The following ROR1 variants were observed in gnomAD, a reference collection of about 807,000 sequenced individuals.
The protein encoded by ROR1 is ROR family WNT receptor 1.
Under a neutral mutation model 78.8 loss-of-function variants are expected in ROR1, and 19 were observed. That is an observed-to-expected ratio of 0.24 (90% CI 0.17 to 0.35). The LOEUF (loss-of-function observed/expected upper bound fraction) is 0.35. Ranked by LOEUF, ROR1 falls within the 10% of genes least tolerant of loss-of-function variation. The pLI is 1.00. For synonymous variants in ROR1, 386 were observed against 433.6 expected (o/e 0.89, Z 1.36); for missense variants, 917 against 1,177.8 (o/e 0.78, Z 3.24).
chr1:63,991,025 C>T (rs1646291470), intron 1 of ROR1, among the ~76,000 whole-genome samples: 1 of 152,116 alleles, frequency 6.6e-6, no homozygotes, highest in African/African-American at 2.4e-5. Flanking sequence ...TTCAAGTGAT[C>T]CTCCTGCCTC....
chr1:64,008,875 C>T (rs1038124872), intron 1 of ROR1, among the ~76,000 whole-genome samples: 1 of 152,034 alleles, frequency 6.6e-6, no homozygotes, highest in Non-Finnish European at 1.5e-5. Flanking sequence ...CCTTGTGATC[C>T]ACCTGCCTCG....
rs571310268 is a variant in ROR1 at position 64,179,944 on chromosome 1, T to C, written c.*1089T>C. The stretch of plus-strand genomic sequence containing the variant: ...TTTCCCTTTTTTTCTGTGCTGGAAA[T>C]GTTCACAGATTTGATTCCCGCCCCA... On this transcript the variant is annotated 3_prime_UTR_variant, in exon 9 of 9. Transcript: ENST00000371079. The C allele has an allele frequency of 2.6e-5, 4 of 152,276 alleles. No individual in the cohort carries two copies. The South Asian group carries it at 8.3e-4, about 32-fold the overall frequency. 9.4% of individuals were successfully genotyped at this position (152,276 alleles called of 1,614,324 possible). A position where few individuals can be genotyped will look rare whatever the true frequency, so the allele number is the denominator to read the frequency against.
At chr1:63,867,332 A>T (rs900804529) in intron 1 of ROR1, among the ~76,000 whole-genome samples, 1 of 152,158 alleles carries the variant, frequency 6.6e-6, no homozygotes, top group Non-Finnish European at 1.5e-5. Flanking sequence ...CCTTCCTCCT[A>T]TGTCTTTGAC....
rs1569895806 is a variant in ROR1, at chr1:64,178,884, C to T, written c.*29C>T. 6.5e-7 allele frequency: 1 copy of T among 1,527,550 alleles called. No homozygotes were observed. Among genetic ancestry groups the T allele is most frequent in the Non-Finnish European group, 9.0e-7 (1 of 1,111,014 alleles). The allele number at this position is 1,527,550 out of a possible 1,614,324, so 94.6% of individuals were successfully genotyped here. A position where few individuals can be genotyped will look rare whatever the true frequency, so the allele number is the denominator to read the frequency against. On this transcript the variant is annotated 3_prime_UTR_variant, in exon 9 of 9. Transcript: ENST00000371079. This position sits in a 1 kb window ranked among gnomAD's most constrained non-coding sequence, Gnocchi z 4.3. Reference sequence around the variant, plus strand: ...GCACAACTTTTGTAAATGTGGTATACAGGACAAACTAGACGGCCGTAGAAA... The same window carrying T: ...GCACAACTTTTGTAAATGTGGTATATAGGACAAACTAGACGGCCGTAGAAA...
chr1:64,134,613 C>A (rs937592705), intron 4 of ROR1, among the ~76,000 whole-genome samples: 1 of 152,142 alleles, frequency 6.6e-6, no homozygotes, highest in African/African-American at 2.4e-5. Context: ...GGTTCTCAAC[C>A]ACATTCAAAT....
intron 1 of ROR1, among the ~76,000 whole-genome samples, chr1:63,950,126 C>T (rs1458368302): frequency 2.0e-5 from 3 of 152,110 alleles, no homozygotes; most frequent in African/African-American, 4.8e-5. Flanking sequence ...CAGAAAGCAG[C>T]CCCAATCCAG....
rs2100747721 is a variant in ROR1 at position 64,178,762 on chromosome 1, A to T, written c.2721A>T (p.Gln907His). The T allele has an allele frequency of 6.2e-7, 1 of 1,614,150 alleles. No homozygotes were observed. The highest frequency in any genetic ancestry group is 2.2e-5 in the East Asian group (1 of 44,870). ...MGITVFGNKSQKPYKIDSKQA... is the reference protein window; with the variant it reads ...MGITVFGNKSHKPYKIDSKQA... ...TCACCGTTTTTGGCAACAAATCTCA[A>T]AAACCCTACAAAATTGACTCAAAGC... The change falls in exon 9 of 9, where the codon CAA becomes CAT. Residue 907 changes from glutamine (Q) to histidine (H), a missense_variant. Transcript: ENST00000371079. The surrounding 1 kb of genome is among the most constrained non-coding windows in gnomAD (Gnocchi z 4.3).
At chr1:64,133,790 T>G (rs1016198865) in intron 4 of ROR1, among the ~76,000 whole-genome samples, 2 of 152,232 alleles carry the variant, frequency 1.3e-5, no homozygotes, top group African/African-American at 4.8e-5. Flanking sequence ...CCTTGCCACT[T>G]GCTTCATGTT....
intron 4 of ROR1, among the ~76,000 whole-genome samples, chr1:64,109,728 C>G (rs903129951): frequency 8.5e-5 from 13 of 152,130 alleles, no homozygotes; most frequent in African/African-American, 3.1e-4. Flanking sequence ...CAGGGTCTCA[C>G]TTTGTTGCCT....
At chr1:63,993,237 G>T (rs2100523734) in intron 1 of ROR1, among the ~76,000 whole-genome samples, 1 of 152,224 alleles carries the variant, frequency 6.6e-6, no homozygotes, top group East Asian at 1.9e-4. Flanking sequence ...CTCTTATGAG[G>T]TGCTCTTTCT....
At chr1:64,124,886 G>A (rs889673362) in intron 4 of ROR1, among the ~76,000 whole-genome samples, 1 of 152,146 alleles carries the variant, frequency 6.6e-6, no homozygotes, top group African/African-American at 2.4e-5. Context: ...ATTGAATAAC[G>A]ATGTAAGAAA....
chr1:63,784,985 T>C (rs1267507455), intron 1 of ROR1, among the ~76,000 whole-genome samples: 1 of 152,238 alleles, frequency 6.6e-6, no homozygotes, highest in African/African-American at 2.4e-5. Flanking sequence ...GTTATAATTA[T>C]ATTGTTTCTC....
chr1:63,831,693 C>A (rs1644989986), intron 1 of ROR1, among the ~76,000 whole-genome samples: 1 of 152,222 alleles, frequency 6.6e-6, no homozygotes, highest in Non-Finnish European at 1.5e-5. Flanking sequence ...AGACATTTTC[C>A]CCATTGTCTT....
chr1:64,079,212 G>A (rs1207178841), intron 4 of ROR1, among the ~76,000 whole-genome samples: 5 of 152,142 alleles, frequency 3.3e-5, no homozygotes, highest in Admixed American at 1.3e-4. Context: ...ATGTAAGTAA[G>A]TGTACATTAA....
intron 4 of ROR1, among the ~76,000 whole-genome samples, chr1:64,095,418 C>A (rs1326819936): frequency 6.6e-6 from 1 of 152,152 alleles, no homozygotes; most frequent in East Asian, 1.9e-4. Flanking sequence ...AAATAATATA[C>A]AGCAACAAAA....
At chr1:63,811,283 G>A (rs984695749) in intron 1 of ROR1, among the ~76,000 whole-genome samples, 2 of 152,238 alleles carry the variant, frequency 1.3e-5, no homozygotes, top group African/African-American at 4.8e-5. Context: ...GCTCAGACTC[G>A]GAGCGTCCAG....
chr1:64,101,939 G>A (rs527974704), intron 4 of ROR1, among the ~76,000 whole-genome samples: 215 of 152,282 alleles, frequency 1.4e-3, no homozygotes, highest in African/African-American at 5.0e-3. Flanking sequence ...AAGATCAATT[G>A]TCATCTCCTT....
intron 4 of ROR1, among the ~76,000 whole-genome samples, chr1:64,124,535 C>A (rs1648647353): frequency 6.6e-6 from 1 of 152,134 alleles, no homozygotes. Flanking sequence ...AAATAGTTTG[C>A]TGACCCTGGT....
Position 64,144,157 on chromosome 1 carries a change from A to G in ROR1, c.1174+1507A>G, listed in dbSNP as rs375593269. ...GATATAAATGATGGAAGGAATCAAG[A>G]GTGACTCCGGAGCTTCTCCATGGAA... On this transcript the variant is annotated intron_variant, in intron 7 of 8. Coordinates refer to ENST00000371079, the MANE Select transcript of ROR1 (RefSeq NM_005012.4). Among the ~76,000 whole-genome samples, 8 of 152,184 alleles carry G rather than the reference A, an allele frequency of 5.3e-5. No homozygotes were observed. In the East Asian group the frequency reaches 1.3e-3, roughly 26 times the overall value.
Sources: gnomAD v4.1 joint callset for allele counts (sites outside exome capture counted in the v4.1 genomes callset) on GRCh38, gnomAD v4.1.1 for gene constraint, Gnocchi (gnomAD v3.1) non-coding constraint, MANE v1.5 for transcripts, NCBI Gene and HGNC (gene_info 2026-07-23, HGNC 2026-07-21) for gene names.